Variants in PRKN observed in about 807,000 individuals in gnomAD.
PRKN encodes E3 ubiquitin-protein ligase parkin.
In PRKN, 56 loss-of-function variants were observed where a neutral mutation model predicts 59.5. The observed-to-expected ratio is 0.94, with a 90% CI of 0.76 to 1.18. PRKN has a LOEUF of 1.18. Ranked by LOEUF, PRKN falls within the 50% of genes most tolerant of loss-of-function variation. PRKN has a pLI of 0.00. For missense variants in PRKN, 657 were observed against 596.4 expected (o/e 1.10, Z -1.06); for synonymous variants, 250 against 222.1 (o/e 1.13, Z -1.12).
chr6:161,554,407 C>CACACACAA lies in PRKN; in HGVS notation c.934-5405_934-5404insTTGTGTGT, dbSNP rs1382411235. Reference sequence around the variant, plus strand: ...CTTCATGTTATCTTACTTCTATACACACACACACACACACACACACACACG... The same window carrying CACACACAA: ...CTTCATGTTATCTTACTTCTATACACACACACAAACACACACACACACACACACACACG... On this transcript the variant is annotated intron_variant, in intron 8 of 11. Coordinates refer to ENST00000366898, the MANE Select transcript of PRKN (RefSeq NM_004562.3). This position sits in a 1 kb window ranked among gnomAD's most constrained non-coding sequence, Gnocchi z 4.5. 6.7e-6 allele frequency among the ~76,000 whole-genome samples: 1 copy of CACACACAA among 149,504 alleles called. No homozygotes were observed. Among genetic ancestry groups the CACACACAA allele is most frequent in the Non-Finnish European group, 1.5e-5 (1 of 67,772 alleles).
chr6:161,761,425 C>T (rs61256463), intron 7 of PRKN, among the ~76,000 whole-genome samples: 2,210 of 152,156 alleles, frequency 0.015, 64 homozygotes, highest in African/African-American at 0.05. Context: ...CAGGAGACCT[C>T]GGCCAATGGT....
intron 5 of PRKN, among the ~76,000 whole-genome samples, chr6:162,030,484 G>A (rs1783596043): frequency 6.6e-6 from 1 of 152,196 alleles, no homozygotes; most frequent in Non-Finnish European, 1.5e-5. Context: ...TTTGCAGGAA[G>A]CCCCTTCCTT....
chr6:162,024,899 T>C (rs1400785480), intron 5 of PRKN, among the ~76,000 whole-genome samples: 1 of 152,192 alleles, frequency 6.6e-6, no homozygotes, highest in Non-Finnish European at 1.5e-5. Flanking sequence ...TTGTTGTTTA[T>C]AGTCAGCACG....
intron 2 of PRKN, among the ~76,000 whole-genome samples, chr6:162,320,919 C>T (rs1782994264): frequency 6.6e-6 from 1 of 151,622 alleles, no homozygotes; most frequent in African/African-American, 2.4e-5. Flanking sequence ...TTTTTTGGGA[C>T]TAAACAGAAA....
At chr6:162,281,699 T>C (rs989513768) in intron 2 of PRKN, among the ~76,000 whole-genome samples, 2 of 152,164 alleles carry the variant, frequency 1.3e-5, no homozygotes, top group Admixed American at 6.5e-5. Context: ...CCATAGCAAA[T>C]GAGTTAAAAT....
Position 161,448,874 on chromosome 6 carries a change from G to A in PRKN, c.1084-61997C>T, listed in dbSNP as rs377189021. Among the ~76,000 whole-genome samples, 24 of 152,158 alleles carry A rather than the reference G, an allele frequency of 1.6e-4. No homozygotes were observed. Among genetic ancestry groups the A allele is most frequent in the African/African-American group, 5.3e-4 (22 of 41,434 alleles). On this transcript the variant is annotated intron_variant, in intron 9 of 11. Coordinates refer to ENST00000366898, the MANE Select transcript of PRKN (RefSeq NM_004562.3). The surrounding 1 kb of genome is among the most constrained non-coding windows in gnomAD (Gnocchi z 5.1). ...GGCACTATTATTTTAAAATAAAAGC[G>A]TTCAAGGTAGAGGATGACTTTGGGA...
intron 2 of PRKN, among the ~76,000 whole-genome samples, chr6:162,397,362 G>A (rs1005152772): frequency 6.6e-6 from 1 of 152,000 alleles, no homozygotes; most frequent in African/African-American, 2.4e-5. Flanking sequence ...TTAATGCCAG[G>A]AACTCAAATA....
At chr6:161,867,755 T>TTATTTATTTATG (rs1237591149) in intron 6 of PRKN, among the ~76,000 whole-genome samples, 30 of 149,066 alleles carry the variant, frequency 2.0e-4, no homozygotes, top group African/African-American at 7.2e-4. Flanking sequence ...ATTTATTTAT[T>TTATTTATTTATG]TATTTATTTA....
At chr6:161,861,069 C>T (rs1341283283) in intron 6 of PRKN, among the ~76,000 whole-genome samples, 1 of 152,200 alleles carries the variant, frequency 6.6e-6, no homozygotes, top group African/African-American at 2.4e-5. Flanking sequence ...ACCTGGTAAT[C>T]CCATTACTGG....
At chr6:161,664,521 T>C (rs945946338) in intron 7 of PRKN, among the ~76,000 whole-genome samples, 3 of 145,290 alleles carry the variant, frequency 2.1e-5, no homozygotes, top group Non-Finnish European at 4.6e-5. Context: ...TACAGCCTAA[T>C]ACTAGAGCCA....
intron 7 of PRKN, among the ~76,000 whole-genome samples, chr6:161,623,062 C>A (rs1240991697): frequency 6.6e-6 from 1 of 152,060 alleles, no homozygotes; most frequent in East Asian, 1.9e-4. Context: ...TGCATGAGCC[C>A]CAGCCTGTTT....
At chr6:162,012,373 C>G (rs1169212760) in intron 5 of PRKN, among the ~76,000 whole-genome samples, 1 of 151,616 alleles carries the variant, frequency 6.6e-6, no homozygotes, top group Non-Finnish European at 1.5e-5. Context: ...AGAAAGTAAA[C>G]TAAAACAAGT....
At chr6:162,116,975 TTCA>T (rs1347469739) in intron 4 of PRKN, among the ~76,000 whole-genome samples, 2 of 152,194 alleles carry the variant, frequency 1.3e-5, no homozygotes, top group Non-Finnish European at 2.9e-5. Context: ...CATTCCAAAC[TTCA>T]TCAGACAACA....
intron 1 of PRKN, among the ~76,000 whole-genome samples, chr6:162,726,551 G>C (rs1160965534): frequency 1.3e-5 from 2 of 152,164 alleles, no homozygotes; most frequent in Non-Finnish European, 2.9e-5. Flanking sequence ...CCAGTTAGCT[G>C]GCTTGATTCT....
intron 2 of PRKN, among the ~76,000 whole-genome samples, chr6:162,263,816 T>A (rs1780005516): frequency 6.6e-6 from 1 of 151,928 alleles, no homozygotes; most frequent in Non-Finnish European, 1.5e-5. Context: ...TAGCTGGGCG[T>A]GTTAGCGTGC....
intron 1 of PRKN, among the ~76,000 whole-genome samples, chr6:162,655,737 T>C (rs1317229466): frequency 6.6e-6 from 1 of 152,156 alleles, no homozygotes; most frequent in Non-Finnish European, 1.5e-5. Context: ...GGGTCATCAT[T>C]AACTGTAATA....
Position 162,362,881 on chromosome 6 carries a change from C to T in PRKN, c.171+80429G>A, listed in dbSNP as rs113110536. Among the ~76,000 whole-genome samples the T allele has an allele frequency of 4.0e-3, 615 of 151,932 alleles. 5 individuals are homozygous for T. Among genetic ancestry groups the T allele is most frequent in the African/African-American group, 0.014 (569 of 41,434 alleles). On this transcript the variant is annotated intron_variant, in intron 2 of 11. Coordinates refer to ENST00000366898, the MANE Select transcript of PRKN (RefSeq NM_004562.3). ...CAGTGGCTCACGCCTGTAATCTCAA[C>T]GCTTTGGGAGGCTGAGGCGGGTGGA...
chr6:162,063,605 T>G (rs1455239442), intron 4 of PRKN, among the ~76,000 whole-genome samples: 1 of 126,100 alleles, frequency 7.9e-6, no homozygotes, highest in African/African-American at 2.6e-5. Context: ...AGTGCAGTGG[T>G]GCGATCTCCG....
chr6:162,594,718 T>C (rs1270372260), intron 1 of PRKN, among the ~76,000 whole-genome samples: 4 of 152,244 alleles, frequency 2.6e-5, no homozygotes, highest in Non-Finnish European at 5.9e-5. Flanking sequence ...GTTCCTATGA[T>C]GTTAATTCTA....
Sources: allele counts gnomAD v4.1 joint callset (sites outside exome capture counted in the v4.1 genomes callset), GRCh38; gene constraint gnomAD v4.1.1; non-coding constraint Gnocchi (gnomAD v3.1); transcripts MANE v1.5; gene names NCBI Gene and HGNC (gene_info 2026-07-23, HGNC 2026-07-21).